The following SLC27A2 variants were observed in gnomAD, a reference collection of about 807,000 sequenced individuals.
SLC27A2 encodes long-chain fatty acid transport protein 2.
SLC27A2 carries 54 observed loss-of-function variants against 60.0 expected under a neutral mutation model. The ratio of observed to expected loss-of-function variants is 0.90; its 90% CI spans 0.72 to 1.13. SLC27A2 has a LOEUF of 1.13. Ranked by LOEUF, SLC27A2 falls within the 50% of genes most tolerant of loss-of-function variation. The pLI is 0.00. For synonymous variants in SLC27A2, 297 were observed against 297.6 expected, an observed-to-expected ratio of 1.00 and a Z score of 0.02; for missense variants, 739 against 777.6, an observed-to-expected ratio of 0.95 and a Z score of 0.59.
In SLC27A2 at chr15:50,197,854, T is replaced by C; in HGVS notation, c.688+145T>C. The stretch of plus-strand genomic sequence containing the variant: ...AGTTATTTGCCTGCGGGAACTGATC[T>C]TATTTCATAGCATGTGATCCCATTT... On this transcript the variant is annotated intron_variant, in intron 2 of 9. Coordinates refer to ENST00000267842, the MANE Select transcript of SLC27A2 (RefSeq NM_003645.4). The C allele has an allele frequency of 1.1e-5, 7 of 630,802 alleles. No individual in the cohort carries two copies. The South Asian group carries it at 1.4e-4, about 12-fold the overall frequency. The allele number at this position is 630,802 out of a possible 1,614,324, so 39.1% of individuals were successfully genotyped here.
Position 50,182,341 on chromosome 15 carries a change from A to AGTCCGCCC in SLC27A2, c.-85_-78dup. 1 of 1,364,610 alleles carries AGTCCGCCC rather than the reference A, an allele frequency of 7.3e-7. No homozygotes were observed. Among genetic ancestry groups the AGTCCGCCC allele is most frequent in the Non-Finnish European group, 9.4e-7 (1 of 1,059,450 alleles). The allele number at this position is 1,364,610 out of a possible 1,614,324, so 84.5% of individuals were successfully genotyped here. Reference sequence around the variant, plus strand: ...CGCGTGCGCCCCGGCGCAGCCCGCCAGTCCGCCCGGAGCCCGCCCAGTCGC... The same window carrying AGTCCGCCC: ...CGCGTGCGCCCCGGCGCAGCCCGCCAGTCCGCCCGTCCGCCCGGAGCCCGCCCAGTCGC... On this transcript the variant is annotated 5_prime_UTR_variant, in exon 1 of 10. Coordinates refer to ENST00000267842, the MANE Select transcript of SLC27A2 (RefSeq NM_003645.4).
At position 50,182,682 on chromosome 15, in the gene SLC27A2, C is replaced by T. The variant is rs2044871106; in HGVS notation, c.255C>T (p.Asp85=). The T allele has an allele frequency of 1.2e-6, 2 of 1,613,828 alleles. No individual in the cohort carries two copies. The highest frequency in any genetic ancestry group is 1.3e-5 in the African/African-American group (1 of 74,936). ...AGACTCTCACCTACGCGCAGGTGGA[C>T]CGGCGCAGCAATCAAGTGGCCCGGG... ...RDETLTYAQV[D]RRSNQVARAL... is the part of the protein sequence containing the mutation. The change falls in exon 1 of 10, where the codon GAC becomes GAT. Residue 85 remains aspartate, a synonymous_variant. Coordinates refer to ENST00000267842, the MANE Select transcript of SLC27A2 (RefSeq NM_003645.4).
At chr15:50,222,537 T>C (rs528894196) in intron 4 of SLC27A2, among the ~76,000 whole-genome samples, 1 of 152,352 alleles carries the variant, frequency 6.6e-6, no homozygotes, top group African/African-American at 2.4e-5. Context: ...TGACAGATCT[T>C]TCCCATGTGG....
chr15:50,209,381 C>T (rs1399207423), intron 4 of SLC27A2, among the ~76,000 whole-genome samples: 1 of 152,068 alleles, frequency 6.6e-6, no homozygotes, highest in African/African-American at 2.4e-5. Context: ...GGAAGGGGAG[C>T]AGAATCAGGA....
chr15:50,205,025 C>A (rs1200400027), intron 3 of SLC27A2, among the ~76,000 whole-genome samples: 1 of 151,388 alleles, frequency 6.6e-6, no homozygotes, highest in African/African-American at 2.4e-5. Flanking sequence ...TTAAAATGAC[C>A]TTTGTATGAG....
intron 4 of SLC27A2, among the ~76,000 whole-genome samples, chr15:50,220,890 G>A (rs1242174568): frequency 6.6e-6 from 1 of 152,202 alleles, no homozygotes; most frequent in East Asian, 1.9e-4. Context: ...GGTAGAGTCA[G>A]TGACCTAGGG....
chr15:50,223,231 A>G (rs2045256592), intron 5 of SLC27A2, 72 bp downstream of exon 5: 2 of 1,129,614 alleles, frequency 1.8e-6, no homozygotes, highest in Non-Finnish European at 2.5e-6. Flanking sequence ...AAGCCAAGTC[A>G]TGATGATGTT....
At chr15:50,227,968 G>A (rs2045289041) in intron 7 of SLC27A2, among the ~76,000 whole-genome samples, 1 of 152,228 alleles carries the variant, frequency 6.6e-6, no homozygotes, top group Non-Finnish European at 1.5e-5. Context: ...TTGCCCTTGA[G>A]ATGTGGGTCA....
intron 4 of SLC27A2, among the ~76,000 whole-genome samples, chr15:50,221,188 C>A (rs1188632526): frequency 6.6e-6 from 1 of 151,594 alleles, no homozygotes; most frequent in Non-Finnish European, 1.5e-5. Context: ...GAGCAAGACC[C>A]TGTCTCGAAA....
At chr15:50,221,225 C>T (rs2045239919) in intron 4 of SLC27A2, among the ~76,000 whole-genome samples, 1 of 151,876 alleles carries the variant, frequency 6.6e-6, no homozygotes, top group African/African-American at 2.4e-5. Flanking sequence ...AAAATAGATT[C>T]CTACTCAGTC....
At chr15:50,212,094 A>G (rs1033376088) in intron 4 of SLC27A2, among the ~76,000 whole-genome samples, 2 of 150,626 alleles carry the variant, frequency 1.3e-5, no homozygotes, top group Admixed American at 1.3e-4. Context: ...AAAAAAAGTA[A>G]ATGAAAAAAA....
intron 8 of SLC27A2, among the ~76,000 whole-genome samples, chr15:50,230,752 C>T (rs765457172): frequency 1.3e-5 from 2 of 152,148 alleles, no homozygotes; most frequent in Non-Finnish European, 2.9e-5. Flanking sequence ...TGCCACCCTA[C>T]GCTCTTGCAG....
chr15:50,182,577 G>GC lies in SLC27A2; in HGVS notation c.152dup (p.Ala52GlyfsTer62). On this transcript the variant is annotated frameshift_variant, in exon 1 of 10. Transcript: ENST00000267842. LOFTEE classifies it high-confidence loss of function. ...GGGTGCGCAGCTACGGGAAGCGGCGGCCGGCGCGCACCATCCTGCGGGCGT... is the reference window on the plus strand; with the variant it reads ...GGGTGCGCAGCTACGGGAAGCGGCGGCCCGGCGCGCACCATCCTGCGGGCGT... 1.9e-6 allele frequency: 3 copies of GC among 1,611,984 alleles called. No individual in the cohort carries two copies. The South Asian group carries it at 3.3e-5, about 18-fold the overall frequency.
At chr15:50,219,015 T>C (rs144711447) in intron 4 of SLC27A2, among the ~76,000 whole-genome samples, 6 of 152,316 alleles carry the variant, frequency 3.9e-5, no homozygotes, top group African/African-American at 1.4e-4. Context: ...GAAAGGCAAT[T>C]AATTCCAGGA....
At chr15:50,183,138 T>G (rs3784291) in intron 1 of SLC27A2, among the ~76,000 whole-genome samples, 2,375 of 152,328 alleles carry the variant, frequency 0.016, 53 homozygotes, top group East Asian at 0.1. Context: ...CAGTGTGGTT[T>G]TTAATCCTCA....
rs10658665 is a variant in SLC27A2 at position 50,188,982 on chromosome 15, A to G, written c.478+6077A>G. Among the ~76,000 whole-genome samples, 427 of 135,516 alleles carry G rather than the reference A, an allele frequency of 3.2e-3. 4 individuals are homozygous for G. Among genetic ancestry groups the G allele is most frequent in the African/African-American group, 8.4e-3 (287 of 34,212 alleles). 88.9% of individuals were successfully genotyped at this position (135,516 alleles called of 152,430 possible). A position where few individuals can be genotyped will look rare whatever the true frequency, so the allele number is the denominator to read the frequency against. On this transcript the variant is annotated intron_variant, in intron 1 of 9. Coordinates refer to ENST00000267842, the MANE Select transcript of SLC27A2 (RefSeq NM_003645.4). ...AGATAGGTAGATAGATAGATAGATA[A>G]ATAGATAGATAGATAGATAGATAGA...
chr15:50,235,774 TTA>T, intron 9 of SLC27A2, 144 bp from the exon 10 acceptor site: 1 of 556,030 alleles, frequency 1.8e-6, no homozygotes, highest in East Asian at 2.9e-5. Flanking sequence ...ATGGAAAACT[TTA>T]TTTTAACTTT....
intron 2 of SLC27A2, among the ~76,000 whole-genome samples, chr15:50,199,231 T>C (rs961327009): frequency 5.3e-5 from 8 of 152,048 alleles, no homozygotes; most frequent in African/African-American, 1.9e-4. Flanking sequence ...ACCCCTTTTA[T>C]TGGGAGGCCG....
intron 9 of SLC27A2, 133 bp downstream of exon 9, chr15:50,234,131 G>C: frequency 1.1e-6 from 1 of 889,852 alleles, no homozygotes; most frequent in Non-Finnish European, 1.7e-6. Flanking sequence ...GCTCAGAAAA[G>C]TGTCATAGAC....
Sources: gnomAD v4.1 joint callset for allele counts (sites outside exome capture counted in the v4.1 genomes callset) on GRCh38, gnomAD v4.1.1 for gene constraint, MANE v1.5 for transcripts, NCBI Gene and HGNC (gene_info 2026-07-23, HGNC 2026-07-21) for gene names.